The following CSNK1G2 variants were observed in gnomAD, a reference collection of about 807,000 sequenced individuals.
The protein encoded by CSNK1G2 is casein kinase I isoform gamma-2.
A neutral mutation model predicts 48.0 loss-of-function variants in CSNK1G2; 11 were observed. That is an observed-to-expected ratio of 0.23 (90% CI 0.14 to 0.38). The LOEUF is 0.38. CSNK1G2 is among the 10% of genes least tolerant of loss of function. The pLI is 1.00. For synonymous variants in CSNK1G2, 337 were observed against 254.1 expected (o/e 1.33, Z -3.10); for missense variants, 446 against 595.5 (o/e 0.75, Z 2.61).
chr19:1,947,418 C>T (rs1025651845), intron 1 of CSNK1G2, among the ~76,000 whole-genome samples: 9 of 152,262 alleles, frequency 5.9e-5, no homozygotes, highest in African/African-American at 1.4e-4. Flanking sequence ...AGATGGCAGG[C>T]GTGCGAGGGC....
chr19:1,956,400 C>T (rs186390918), intron 1 of CSNK1G2, among the ~76,000 whole-genome samples: 3 of 152,310 alleles, frequency 2.0e-5, no homozygotes, highest in Non-Finnish European at 2.9e-5. Context: ...GCCTGTGGTC[C>T]CAGCTACCTG....
chr19:1,980,143 CCT>C lies in CSNK1G2; in HGVS notation c.1194-4_1194-3del. The C allele has an allele frequency of 6.2e-7, 1 of 1,612,946 alleles. No individual in the cohort carries two copies. Among genetic ancestry groups the C allele is most frequent in the Non-Finnish European group, 8.5e-7 (1 of 1,179,872 alleles). Reference sequence around the variant, plus strand: ...GTCCTCCTACCTGAGCCACTGCCCTCCTCAGATGCTGCTGTTTCTTCAAGAGG... The same window carrying C: ...GTCCTCCTACCTGAGCCACTGCCCTCCAGATGCTGCTGTTTCTTCAAGAGG... On this transcript the variant is annotated splice_region_variant and splice_polypyrimidine_tract_variant and intron_variant, in intron 11 of 11. Coordinates refer to ENST00000255641, the MANE Select transcript of CSNK1G2 (RefSeq NM_001319.7).
chr19:1,967,434 TTCTG>T (rs764131049), intron 1 of CSNK1G2, among the ~76,000 whole-genome samples: 26 of 152,180 alleles, frequency 1.7e-4, no homozygotes, highest in Non-Finnish European at 3.5e-4. Context: ...AGGGTGGGGC[TTCTG>T]TCTGTCTGGA....
intron 1 of CSNK1G2, chr19:1,942,512 TGG>T (rs1177104140): frequency 6.6e-6 from 1 of 152,362 alleles, no homozygotes; most frequent in Non-Finnish European, 1.5e-5. Flanking sequence ...CAAGGCCATG[TGG>T]GGCTCTGCCT....
intron 1 of CSNK1G2, among the ~76,000 whole-genome samples, chr19:1,969,178 C>T (rs1046083383): frequency 3.3e-5 from 5 of 152,162 alleles, no homozygotes; most frequent in Non-Finnish European, 7.4e-5. Context: ...GGCTTCTACC[C>T]GGGATTGGCA....
In CSNK1G2 at chr19:1,978,413, C is replaced by T. The variant is rs1419400863; in HGVS notation, c.229-29C>T. ...AGGGATTTCAGGGCAGCGACCCGGTCCCCTGGTGACTCGCTCTTGTGCCCC... is the reference window on the plus strand; with the variant it reads ...AGGGATTTCAGGGCAGCGACCCGGTTCCCTGGTGACTCGCTCTTGTGCCCC... On this transcript the variant is annotated intron_variant, in intron 3 of 11. Transcript: ENST00000255641. This position sits in a 1 kb window ranked among gnomAD's most constrained non-coding sequence, Gnocchi z 7.3. The T allele has an allele frequency of 6.2e-7, 1 of 1,611,538 alleles. No homozygotes were observed. Among genetic ancestry groups the T allele is most frequent in the Admixed American group, 1.7e-5 (1 of 59,918 alleles).
chr19:1,969,838 CG>C lies in CSNK1G2; in HGVS notation c.71del (p.Gly24AlafsTer17). 7.6e-7 allele frequency: 1 copy of C among 1,310,572 alleles called. No individual in the cohort carries two copies. Among genetic ancestry groups the C allele is most frequent in the South Asian group, 3.2e-5 (1 of 31,674 alleles). The allele number at this position is 1,310,572 out of a possible 1,614,324, so 81.2% of individuals were successfully genotyped here. On this transcript the variant is annotated frameshift_variant, in exon 2 of 12. Transcript: ENST00000255641. LOFTEE classifies it high-confidence loss of function. ...EEGRRMSKAG[G>X]GRSSHGIRSS... The stretch of plus-strand genomic sequence containing the variant: ...AGGGCCGGAGAATGTCCAAGGCCGG[CG>C]GGGGCCGGAGCAGCCACGGCATCCG...
chr19:1,958,236 G>A (rs960776368), intron 1 of CSNK1G2, among the ~76,000 whole-genome samples: 5 of 152,148 alleles, frequency 3.3e-5, no homozygotes, highest in South Asian at 2.1e-4. Context: ...TCCAGAGCAC[G>A]GCTTCCTTCT....
intron 1 of CSNK1G2, among the ~76,000 whole-genome samples, chr19:1,961,534 G>GATCCC (rs2145548077): frequency 6.6e-6 from 1 of 152,388 alleles, no homozygotes; most frequent in South Asian, 2.1e-4. Flanking sequence ...CTCAGTGGGG[G>GATCCC]ATCCCAGGAC....
intron 1 of CSNK1G2, among the ~76,000 whole-genome samples, chr19:1,964,826 C>G (rs1042227215): frequency 6.6e-6 from 1 of 151,334 alleles, no homozygotes; most frequent in Non-Finnish European, 1.5e-5. Flanking sequence ...CCCGGGTTCA[C>G]CCCATTCTCC....
intron 2 of CSNK1G2, among the ~76,000 whole-genome samples, chr19:1,971,475 A>C (rs1340065349): frequency 6.6e-6 from 1 of 152,238 alleles, no homozygotes; most frequent in Non-Finnish European, 1.5e-5. Context: ...GTGTGTGTGC[A>C]CGCTCAGACA....
intron 2 of CSNK1G2, among the ~76,000 whole-genome samples, chr19:1,970,715 G>T (rs1050083115): frequency 1.3e-5 from 2 of 152,248 alleles, no homozygotes; most frequent in Non-Finnish European, 2.9e-5. Flanking sequence ...TGCTGCCGGA[G>T]CTCCTGCGGG....
At chr19:1,944,672 C>T (rs531782203) in intron 1 of CSNK1G2, among the ~76,000 whole-genome samples, 14 of 136,442 alleles carry the variant, frequency 1.0e-4, no homozygotes, top group East Asian at 4.7e-4. Flanking sequence ...TGGGTCTGTC[C>T]GGGAGCTTGA....
In CSNK1G2 at chr19:1,944,287, T is replaced by C. The variant is rs534456268; in HGVS notation, c.-266+2869T>C. Among the ~76,000 whole-genome samples, 369 of 151,976 alleles carry C rather than the reference T, an allele frequency of 2.4e-3. 4 individuals are homozygous for C. The highest frequency in any genetic ancestry group is 8.6e-3 in the African/African-American group (358 of 41,468). On this transcript the variant is annotated intron_variant, in intron 1 of 11. Coordinates refer to ENST00000255641, the MANE Select transcript of CSNK1G2 (RefSeq NM_001319.7). ...GGTTGGCGGCCTCTGTGCAAGGCCG[T>C]CTGAGTGAGGCCTGCAGTCTGGAGG... is the stretch of plus-strand genomic sequence containing the variant.
chr19:1,956,758 G>A (rs978664070), intron 1 of CSNK1G2, among the ~76,000 whole-genome samples: 21 of 152,184 alleles, frequency 1.4e-4, no homozygotes, highest in African/African-American at 4.1e-4. Context: ...CGGGGCCGTG[G>A]GTCATACCCA....
chr19:1,971,812 C>G (rs7258750), intron 2 of CSNK1G2, among the ~76,000 whole-genome samples: 1 of 147,702 alleles, frequency 6.8e-6, no homozygotes, highest in African/African-American at 2.5e-5. Flanking sequence ...CTCGGTCACC[C>G]AGGCTGGAGT....
At chr19:1,970,556 C>A (rs1171755076) in intron 2 of CSNK1G2, among the ~76,000 whole-genome samples, 1 of 152,224 alleles carries the variant, frequency 6.6e-6, no homozygotes, top group Non-Finnish European at 1.5e-5. Context: ...CTCTCATTGG[C>A]CAGGGGTGCC....
intron 1 of CSNK1G2, among the ~76,000 whole-genome samples, chr19:1,942,865 C>G (rs986238081): frequency 6.6e-6 from 1 of 152,182 alleles, no homozygotes; most frequent in Non-Finnish European, 1.5e-5. Context: ...TGTGTCTCCA[C>G]CAAAACGAAA....
chr19:1,979,814 C>G lies in CSNK1G2; in HGVS notation c.1065C>G (p.Thr355=). ...CCCAGCCTCAGCTCCGGGACAAAAC[C>G]CAGCCGCACAGCAAAAACCAGGTGA... ...LPSQPQLRDK[T]QPHSKNQALN... Residue 355 remains threonine (T), a synonymous_variant, in exon 10 of 12, where the codon ACC becomes ACG. Coordinates refer to ENST00000255641, the MANE Select transcript of CSNK1G2 (RefSeq NM_001319.7). 1 of 1,607,174 alleles carries G rather than the reference C, an allele frequency of 6.2e-7. No homozygotes were observed. Among genetic ancestry groups the G allele is most frequent in the African/African-American group, 1.3e-5 (1 of 74,876 alleles).
Sources: gnomAD v4.1 joint callset for allele counts (sites outside exome capture counted in the v4.1 genomes callset) on GRCh38, gnomAD v4.1.1 for gene constraint, Gnocchi (gnomAD v3.1) non-coding constraint, MANE v1.5 for transcripts, NCBI Gene and HGNC (gene_info 2026-07-23, HGNC 2026-07-21) for gene names.